Variants in WWOX observed in about 807,000 individuals in gnomAD.
WWOX encodes WW domain containing oxidoreductase.
In WWOX, 69 loss-of-function variants were observed where a neutral mutation model predicts 46.2. The observed-to-expected ratio is 1.49, with a 90% CI of 1.23 to 1.82. The LOEUF is 1.82. Ranked by LOEUF, WWOX falls within the 40% of genes most tolerant of loss-of-function variation. WWOX has a pLI of 0.00. For synonymous variants in WWOX, 359 were observed against 202.6 expected, an observed-to-expected ratio of 1.77 and a Z score of -6.56; for missense variants, 919 against 542.6, an observed-to-expected ratio of 1.69 and a Z score of -6.89.
intron 8 of WWOX, among the ~76,000 whole-genome samples, chr16:78,472,860 G>A (rs544261095): frequency 5.7e-4 from 85 of 148,810 alleles, no homozygotes; most frequent in African/African-American, 1.7e-3. Flanking sequence ...TTGTCACAGC[G>A]TCAGCAGAAT....
intron 8 of WWOX, among the ~76,000 whole-genome samples, chr16:78,448,784 G>T (rs991863114): frequency 3.9e-5 from 6 of 152,204 alleles, no homozygotes; most frequent in African/African-American, 1.4e-4. Context: ...CCCGGAACCA[G>T]AGTGTTGCCT....
intron 8 of WWOX, among the ~76,000 whole-genome samples, chr16:78,851,804 T>C (rs1443078127): frequency 6.6e-6 from 1 of 152,286 alleles, no homozygotes; most frequent in South Asian, 2.1e-4. Flanking sequence ...AGTTTTATTG[T>C]AGGATTTCAC....
At chr16:78,406,864 G>T (rs4505337) in intron 6 of WWOX, among the ~76,000 whole-genome samples, 7,773 of 152,192 alleles carry the variant, frequency 0.051, 635 homozygotes, top group African/African-American at 0.18. Flanking sequence ...GACCTCAAGT[G>T]ATCCGCCCGC....
At chr16:79,172,753 T>C (rs906559160) in intron 8 of WWOX, among the ~76,000 whole-genome samples, 2 of 152,054 alleles carry the variant, frequency 1.3e-5, no homozygotes, top group Admixed American at 6.6e-5. Flanking sequence ...CGGCCAGTTA[T>C]GGTGGCTCAC....
At chr16:78,151,056 T>TTTG (rs2034387913) in intron 4 of WWOX, among the ~76,000 whole-genome samples, 2 of 151,288 alleles carry the variant, frequency 1.3e-5, no homozygotes, top group Admixed American at 1.3e-4. Flanking sequence ...TTTTTTTTTT[T>TTTG]TTTAGAGATG....
chr16:79,165,585 C>G (rs765641153), intron 8 of WWOX, among the ~76,000 whole-genome samples: 4 of 152,162 alleles, frequency 2.6e-5, no homozygotes, highest in Admixed American at 6.5e-5. Context: ...TCTGTTCCCT[C>G]TTTGCTAGTT....
chr16:78,499,674 T>C (rs1292350429), intron 8 of WWOX, among the ~76,000 whole-genome samples: 1 of 152,246 alleles, frequency 6.6e-6, no homozygotes, highest in Non-Finnish European at 1.5e-5. Context: ...CCTATTAGGC[T>C]TTGACTCCTT....
chr16:78,631,656 A>G (rs1412257105), intron 8 of WWOX, among the ~76,000 whole-genome samples: 1 of 150,744 alleles, frequency 6.6e-6, no homozygotes, highest in African/African-American at 2.4e-5. Context: ...TTCTTGCCTC[A>G]GCCCTCCAAG....
intron 8 of WWOX, chr16:78,691,358 A>G (rs1008093486): frequency 1.6e-5 from 11 of 690,094 alleles, no homozygotes; most frequent in South Asian, 1.5e-5. Flanking sequence ...TCTTATGACA[A>G]AGGTGACAGA....
At chr16:78,655,128 G>A (rs1039072661) in intron 8 of WWOX, among the ~76,000 whole-genome samples, 1 of 151,966 alleles carries the variant, frequency 6.6e-6, no homozygotes, top group Admixed American at 6.6e-5. Flanking sequence ...AGGAAACTCG[G>A]CTCAAACTAG....
chr16:78,605,530 C>A (rs922543276), intron 8 of WWOX, among the ~76,000 whole-genome samples: 2 of 151,942 alleles, frequency 1.3e-5, no homozygotes, highest in Non-Finnish European at 2.9e-5. Context: ...TACCATTGTG[C>A]TAACTGAAGA....
Position 78,114,997 on chromosome 16 carries a change from C to G in WWOX, c.252C>G (p.Thr84=), listed in dbSNP as rs748948669. The change falls in exon 4 of 9, where the codon ACC becomes ACG. Residue 84 remains threonine, a synonymous_variant. Transcript: ENST00000566780. ...GCAGCCATATAAATAAAAGAACCAC[C>G]TACTTGGACCCAAGACTGGCGTTTA... is the stretch of plus-strand genomic sequence containing the variant. ...FFVDHINKRT[T]YLDPRLAFTV... The G allele has an allele frequency of 1.2e-6, 2 of 1,614,176 alleles. No individual in the cohort carries two copies. The highest frequency in any genetic ancestry group is 1.7e-6 in the Non-Finnish European group (2 of 1,180,032).
At chr16:78,916,748 T>A (rs912127077) in intron 8 of WWOX, among the ~76,000 whole-genome samples, 8 of 152,230 alleles carry the variant, frequency 5.3e-5, no homozygotes, top group African/African-American at 1.4e-4. Context: ...AAGTGTCTGA[T>A]AAATTCTGGG....
chr16:78,695,043 C>G (rs534507501), intron 8 of WWOX, among the ~76,000 whole-genome samples: 2 of 152,288 alleles, frequency 1.3e-5, no homozygotes, highest in East Asian at 3.9e-4. Flanking sequence ...TTCAAATGCT[C>G]TTCCAATATG....
intron 5 of WWOX, among the ~76,000 whole-genome samples, chr16:78,236,541 C>T (rs764289443): frequency 6.6e-6 from 1 of 152,146 alleles, no homozygotes. Flanking sequence ...TTTACTCGTA[C>T]GAACTTGTCT....
intron 8 of WWOX, among the ~76,000 whole-genome samples, chr16:78,953,544 A>C (rs991452127): frequency 6.6e-6 from 1 of 152,170 alleles, no homozygotes; most frequent in Non-Finnish European, 1.5e-5. Context: ...GGCTTCCTTC[A>C]GAGTCATTGC....
intron 8 of WWOX, among the ~76,000 whole-genome samples, chr16:78,549,809 C>G (rs1015614099): frequency 1.3e-5 from 2 of 152,074 alleles, no homozygotes; most frequent in Non-Finnish European, 2.9e-5. Context: ...ATCCAAATAC[C>G]TGTAACAAAC....
chr16:79,025,651 A>G (rs1567495421), intron 8 of WWOX, among the ~76,000 whole-genome samples: 1 of 152,178 alleles, frequency 6.6e-6, no homozygotes, highest in South Asian at 2.1e-4. Context: ...GGCCTCCAGA[A>G]TACTAAGAAA....
intron 4 of WWOX, among the ~76,000 whole-genome samples, chr16:78,126,565 C>A (rs8057015): frequency 0.62 from 94,442 of 151,994 alleles, 29,585 homozygotes; most frequent in East Asian, 0.75. Flanking sequence ...CATGTGCTAT[C>A]ATTTAATTTT....
Sources: gnomAD v4.1 joint callset for allele counts (sites outside exome capture counted in the v4.1 genomes callset) on GRCh38, gnomAD v4.1.1 for gene constraint, MANE v1.5 for transcripts, NCBI Gene and HGNC (gene_info 2026-07-23, HGNC 2026-07-21) for gene names.